Variants in IL22RA2 observed in about 807,000 individuals in gnomAD.
IL22RA2 encodes the protein interleukin 22 receptor subunit alpha 2.
IL22RA2 carries 39 observed loss-of-function variants against 30.7 expected under a neutral mutation model. The ratio of observed to expected loss-of-function variants is 1.27; its 90% confidence interval spans 0.98 to 1.66. The LOEUF (loss-of-function observed/expected upper bound fraction) is 1.66, where lower values mean the gene tolerates loss of function less well. IL22RA2 is among the 40% of genes most tolerant of loss of function. IL22RA2 has a pLI of 0.00. For synonymous variants in IL22RA2, 103 were observed against 105.0 expected (o/e 0.98, Z 0.11); for missense variants, 315 against 312.7 (o/e 1.01, Z -0.05).
chr6:137,164,949 T>G (rs1218161997), intron 1 of IL22RA2, among the ~76,000 whole-genome samples: 1 of 150,642 alleles, frequency 6.6e-6, no homozygotes, highest in East Asian at 1.9e-4. Context: ...CAATCCTACC[T>G]GGGTTGATTG....
At chr6:137,172,655 C>T (rs1778764560) in intron 1 of IL22RA2, among the ~76,000 whole-genome samples, 1 of 152,216 alleles carries the variant, frequency 6.6e-6, no homozygotes, top group Non-Finnish European at 1.5e-5. Flanking sequence ...GACCTCGGCC[C>T]CACTCCGCAG....
At chr6:137,165,197 G>A (rs1778603953) in intron 1 of IL22RA2, among the ~76,000 whole-genome samples, 1 of 152,168 alleles carries the variant, frequency 6.6e-6, no homozygotes, top group African/African-American at 2.4e-5. Context: ...AGAGAAAAAG[G>A]CCACCAATAT....
intron 5 of IL22RA2, among the ~76,000 whole-genome samples, chr6:137,153,838 C>G (rs1778343347): frequency 6.6e-6 from 1 of 152,116 alleles, no homozygotes; most frequent in Non-Finnish European, 1.5e-5. Flanking sequence ...ACCAAAAGGA[C>G]TCAAACTCCT....
chr6:137,153,503 A>T (rs1778334889), intron 5 of IL22RA2, among the ~76,000 whole-genome samples: 1 of 152,202 alleles, frequency 6.6e-6, no homozygotes, highest in Admixed American at 6.5e-5. Flanking sequence ...ACTGTTACCC[A>T]TAGTGAACAA....
rs1453270790 is a variant in IL22RA2 at position 137,145,619 on chromosome 6, A to G, written c.*5T>C. The G allele has an allele frequency of 1.3e-6, 2 of 1,599,384 alleles. No homozygotes were observed. ...TCCACATTGCTGAATGCCAAATTCC[A>G]CAAGTCATGGAATTTCCACACATCT... On this transcript the variant is annotated 3_prime_UTR_variant, in exon 7 of 7. Transcript: ENST00000296980.
chr6:137,158,537 C>T lies in IL22RA2; in HGVS notation c.62-55G>A, dbSNP rs1778457746. The T allele has an allele frequency of 2.5e-6, 4 of 1,580,286 alleles. No homozygotes were observed. The East Asian group carries it at 9.0e-5, about 36-fold the overall frequency. ...AACGTTGCTTGGAGCACTGCTGTTC[C>T]CAGCAGTAGTTTTCAGTGGAATACC... is the stretch of plus-strand genomic sequence containing the variant. On this transcript the variant is annotated intron_variant, in intron 2 of 6. Coordinates refer to ENST00000296980, the MANE Select transcript of IL22RA2 (RefSeq NM_052962.3).
chr6:137,171,298 A>T lies in IL22RA2; in HGVS notation c.-66+2115T>A, dbSNP rs1778730079. Among the ~76,000 whole-genome samples, 6 of 152,300 alleles carry T rather than the reference A, an allele frequency of 3.9e-5. No individual in the cohort carries two copies. The South Asian group carries it at 1.2e-3, about 32-fold the overall frequency. The stretch of plus-strand genomic sequence containing the variant: ...AATAAGGAGCTACAGCAGGGTTACA[A>T]CTTCTATTCATCTAACCTTCTCTGT... On this transcript the variant is annotated intron_variant, in intron 1 of 6. Transcript: ENST00000296980.
At chr6:137,147,186 CAAAAA>C (rs11313927) in intron 6 of IL22RA2, among the ~76,000 whole-genome samples, 1 of 70,872 alleles carries the variant, frequency 1.4e-5, no homozygotes, top group African/African-American at 4.1e-5. Context: ...CTTGCCTCTA[CAAAAA>C]AAAAAAAAAA....
Position 137,145,742 on chromosome 6 carries a change from G to A in IL22RA2, c.674C>T (p.Ala225Val), listed in dbSNP as rs761897135. Residue 225 changes from alanine (A) to valine (V), a missense_variant, in exon 7 of 7, where the codon GCG (alanine) becomes GTG (valine). Physicochemically the swap from Ala to Val is moderately conservative, Grantham distance 64. Coordinates refer to ENST00000296980, the MANE Select transcript of IL22RA2 (RefSeq NM_052962.3). ...TGGTGTTAGAGCTTCAATTTCAACC[G>A]CTCTGTGAGCCCCTTCATAAACCTT... ...EQKVYEGAHR[A>V]VEIEALTPHS... 1.1e-5 allele frequency: 17 copies of A among 1,613,688 alleles called. No homozygotes were observed. The highest frequency in any genetic ancestry group is 5.0e-5 in the Admixed American group (3 of 59,964).
intron 6 of IL22RA2, among the ~76,000 whole-genome samples, chr6:137,146,485 A>G (rs1302225242): frequency 6.6e-6 from 1 of 151,998 alleles, no homozygotes; most frequent in African/African-American, 2.4e-5. Context: ...CTTCCCAGTC[A>G]CCACTAAGGC....
At chr6:137,158,204 A>T in intron 3 of IL22RA2, 143 bp downstream of exon 3, 1 of 919,708 alleles carries the variant, frequency 1.1e-6, no homozygotes, top group Non-Finnish European at 1.6e-6. Context: ...TTCAGGGGAG[A>T]CAAGTCACTG....
chr6:137,166,970 C>T (rs1045666741), intron 1 of IL22RA2, among the ~76,000 whole-genome samples: 6 of 152,218 alleles, frequency 3.9e-5, no homozygotes, highest in Admixed American at 1.3e-4. Flanking sequence ...TGAGCTGCCT[C>T]GAACCGGAGG....
intron 5 of IL22RA2, among the ~76,000 whole-genome samples, chr6:137,152,703 G>T (rs967288292): frequency 1.3e-5 from 2 of 152,160 alleles, no homozygotes; most frequent in African/African-American, 4.8e-5. Flanking sequence ...TAAAGTATAG[G>T]CTGTGTGAAT....
intron 6 of IL22RA2, among the ~76,000 whole-genome samples, chr6:137,146,192 T>G (rs1778174778): frequency 6.6e-6 from 1 of 152,074 alleles, no homozygotes. Flanking sequence ...CCACCACGCC[T>G]GGCTAATTTT....
chr6:137,172,638 C>T (rs566654009), intron 1 of IL22RA2, among the ~76,000 whole-genome samples: 104 of 152,348 alleles, frequency 6.8e-4, no homozygotes, highest in African/African-American at 2.4e-3. Context: ...ATTCCCTGCC[C>T]TCCCCCGACC....
chr6:137,172,662 G>A (rs1002236548), intron 1 of IL22RA2, among the ~76,000 whole-genome samples: 3 of 152,138 alleles, frequency 2.0e-5, no homozygotes, highest in South Asian at 4.1e-4. Context: ...GCCCCACTCC[G>A]CAGCAGGGAG....
At position 137,158,468 on chromosome 6, in the gene IL22RA2, G is replaced by T; in HGVS notation, c.76C>A (p.His26Asn). ...LTGVAGTQST[H>N]ESLKPQRVQF... ...ACCCTCTGAGGCTTCAGAGACTCAT[G>T]CGTTGACTGAGTTCCTAAGATAATA... Residue 26 changes from histidine (H) to asparagine (N), a missense_variant, in exon 3 of 7, where the codon CAT (histidine) becomes AAT (asparagine). Coordinates refer to ENST00000296980, the MANE Select transcript of IL22RA2 (RefSeq NM_052962.3). The T allele has an allele frequency of 6.2e-7, 1 of 1,614,006 alleles. No homozygotes were observed. Among genetic ancestry groups the T allele is most frequent in the Non-Finnish European group, 8.5e-7 (1 of 1,179,902 alleles).
intron 6 of IL22RA2, among the ~76,000 whole-genome samples, chr6:137,146,995 C>CAA (rs5880333): frequency 3.5e-5 from 5 of 143,488 alleles, no homozygotes; most frequent in South Asian, 2.2e-4. Flanking sequence ...GACCCTGTCT[C>CAA]AAAAAAAAAA....
At chr6:137,154,878 G>T in intron 5 of IL22RA2, 63 bp downstream of exon 5, 1 of 1,431,192 alleles carries the variant, frequency 7.0e-7, no homozygotes, top group South Asian at 1.1e-5. Context: ...GTCACTAGCC[G>T]TGCTCCGGGA....
Sources: gnomAD v4.1 joint callset for allele counts (sites outside exome capture counted in the v4.1 genomes callset) on GRCh38, gnomAD v4.1.1 for gene constraint, MANE v1.5 for transcripts, NCBI Gene and HGNC (gene_info 2026-07-23, HGNC 2026-07-21) for gene names.